Variants in THSD7A observed in about 807,000 individuals in gnomAD.
THSD7A encodes thrombospondin type-1 domain-containing protein 7A.
In THSD7A, 96 loss-of-function variants were observed where a neutral mutation model predicts 231.3. The observed-to-expected ratio is 0.41, with a 90% CI of 0.35 to 0.49. The LOEUF (loss-of-function observed/expected upper bound fraction) is 0.49, where lower values mean the gene tolerates loss of function less well. THSD7A is among the 20% of genes least tolerant of loss of function. The pLI is 0.05. For missense variants in THSD7A, 2,290 were observed against 2,070.2 expected (o/e 1.11, Z -2.06); for synonymous variants, 940 against 743.3 (o/e 1.26, Z -4.30).
rs553030554 is a variant in THSD7A at position 11,677,584 on chromosome 7, C to CAAAAAAAAAAAAAAAAAA, written c.191-40641_191-40624dup. On this transcript the variant is annotated intron_variant, in intron 1 of 27. Coordinates refer to ENST00000423059, the MANE Select transcript of THSD7A (RefSeq NM_015204.3). ...GAAGATTGACCAAGCAAATGGAAAG[C>CAAAAAAAAAAAAAAAAAA]AAAAAAAAAAAAAAAAAAAAAAAAA... Among the ~76,000 whole-genome samples, 2 of 22,274 alleles carry CAAAAAAAAAAAAAAAAAA rather than the reference C, an allele frequency of 9.0e-5. 1 individual carries two copies. The highest frequency in any genetic ancestry group is 5.1e-4 in the African/African-American group (2 of 3,884). 14.6% of individuals were successfully genotyped at this position (22,274 alleles called of 152,430 possible).
In THSD7A at chr7:11,636,499, G is replaced by A. The variant is rs774713101; in HGVS notation, c.653C>T (p.Thr218Met). ...CTGCGGGGGCGCCACCACATGACGC[G>A]TCCGGTGCTGGAGCCCGCTGCCGCA... ...KTCGSGLQHRTRHVVAPPQFG... is the reference protein window; with the variant it reads ...KTCGSGLQHRMRHVVAPPQFG... Residue 218 changes from threonine (T) to methionine (M), a missense_variant, in exon 2 of 28, where the codon ACG (threonine) becomes ATG (methionine). Physicochemically the swap from Thr to Met is moderately conservative, Grantham distance 81. Transcript: ENST00000423059. This position sits in a 1 kb window ranked among gnomAD's most constrained non-coding sequence, Gnocchi z 10.0. 1.2e-5 allele frequency: 20 copies of A among 1,613,642 alleles called. No homozygotes were observed. The highest frequency in any genetic ancestry group is 3.3e-5 in the Admixed American group (2 of 59,996).
intron 2 of THSD7A, among the ~76,000 whole-genome samples, chr7:11,623,508 C>T (rs1284147155): frequency 6.6e-6 from 1 of 152,116 alleles, no homozygotes; most frequent in Non-Finnish European, 1.5e-5. Flanking sequence ...TCAGGGCAGA[C>T]TTCCTGATTC....
chr7:11,501,462 C>A (rs1236414940), intron 6 of THSD7A, among the ~76,000 whole-genome samples: 1 of 152,110 alleles, frequency 6.6e-6, no homozygotes, highest in Non-Finnish European at 1.5e-5. Context: ...AAATAGAAAT[C>A]AACACAATGA....
intron 1 of THSD7A, among the ~76,000 whole-genome samples, chr7:11,763,960 TAAAA>T (rs1367986029): frequency 1.3e-5 from 2 of 152,190 alleles, no homozygotes; most frequent in African/African-American, 4.8e-5. Context: ...GTAAAACTCT[TAAAA>T]GAACTCAAAC....
intron 23 of THSD7A, among the ~76,000 whole-genome samples, chr7:11,390,247 G>A: frequency 6.6e-6 from 1 of 152,098 alleles, no homozygotes; most frequent in Non-Finnish European, 1.5e-5. Context: ...AACAATCAAA[G>A]GCAGATTTAG....
At chr7:11,384,253 A>C (rs1433554693) in intron 23 of THSD7A, 1 of 151,796 alleles carries the variant, frequency 6.6e-6, no homozygotes, top group East Asian at 1.9e-4. Context: ...TTGGATCAAA[A>C]AGTTCTAGAT....
chr7:11,404,254 G>C (rs925872736), intron 22 of THSD7A, among the ~76,000 whole-genome samples: 2 of 152,152 alleles, frequency 1.3e-5, no homozygotes, highest in African/African-American at 4.8e-5. Context: ...CAAGTCCAGG[G>C]CTTGACCTGT....
chr7:11,630,563 A>G (rs1301779390), intron 2 of THSD7A, among the ~76,000 whole-genome samples: 1 of 152,162 alleles, frequency 6.6e-6, no homozygotes, highest in Non-Finnish European at 1.5e-5. Context: ...TAGAAGCTGG[A>G]TAGTTCTACT....
At chr7:11,471,581 C>G (rs1420141985) in intron 8 of THSD7A, among the ~76,000 whole-genome samples, 1 of 151,932 alleles carries the variant, frequency 6.6e-6, no homozygotes, top group African/African-American at 2.4e-5. Flanking sequence ...TTTAAAACCC[C>G]AGTGTTTATT....
At chr7:11,397,069 C>CTT (rs756995728) in intron 23 of THSD7A, among the ~76,000 whole-genome samples, 1 of 152,098 alleles carries the variant, frequency 6.6e-6, no homozygotes, top group African/African-American at 2.4e-5. Context: ...AGGCCTTTGA[C>CTT]AAAATTCAAC....
chr7:11,460,392 A>T (rs1165029157), intron 11 of THSD7A, among the ~76,000 whole-genome samples: 1 of 152,178 alleles, frequency 6.6e-6, no homozygotes, highest in Non-Finnish European at 1.5e-5. Context: ...GCTTCAGTGT[A>T]CCATTTATGT....
chr7:11,762,983 C>T (rs947779091), intron 1 of THSD7A, among the ~76,000 whole-genome samples: 1 of 151,950 alleles, frequency 6.6e-6, no homozygotes, highest in Non-Finnish European at 1.5e-5. Context: ...TAAAAGAGCC[C>T]CAATAGCCAA....
chr7:11,629,576 A>C (rs1301872013), intron 2 of THSD7A, among the ~76,000 whole-genome samples: 2 of 152,164 alleles, frequency 1.3e-5, no homozygotes, highest in Non-Finnish European at 2.9e-5. Flanking sequence ...TCTCTTTGGT[A>C]AGGTTAGGAT....
intron 2 of THSD7A, among the ~76,000 whole-genome samples, chr7:11,600,522 G>A (rs1424414988): frequency 6.6e-6 from 1 of 152,160 alleles, no homozygotes; most frequent in Non-Finnish European, 1.5e-5. Context: ...AGATGAAGAT[G>A]ATGGTATGGA....
intron 1 of THSD7A, among the ~76,000 whole-genome samples, chr7:11,828,511 T>C (rs931051928): frequency 2.0e-5 from 3 of 152,188 alleles, no homozygotes; most frequent in Admixed American, 2.0e-4. Flanking sequence ...ATGTGTATGG[T>C]ATGCCATGTT....
At chr7:11,518,269 A>C (rs1282103667) in intron 6 of THSD7A, among the ~76,000 whole-genome samples, 1 of 152,192 alleles carries the variant, frequency 6.6e-6, no homozygotes, top group Admixed American at 6.5e-5. Context: ...CTACAATAGG[A>C]ATACAAAGAA....
intron 13 of THSD7A, among the ~76,000 whole-genome samples, chr7:11,435,825 G>C (rs1042535661): frequency 6.6e-6 from 1 of 152,014 alleles, no homozygotes; most frequent in Non-Finnish European, 1.5e-5. Flanking sequence ...CAGCCAGCTT[G>C]TGAGAAGTAA....
chr7:11,798,497 A>T (rs539336666), intron 1 of THSD7A, among the ~76,000 whole-genome samples: 119 of 151,950 alleles, frequency 7.8e-4, no homozygotes, highest in Non-Finnish European at 1.3e-3. Flanking sequence ...AAAAGAAAAA[A>T]CAAAAAAAAA....
At chr7:11,727,134 C>T (rs1016001073) in intron 1 of THSD7A, among the ~76,000 whole-genome samples, 1 of 151,952 alleles carries the variant, frequency 6.6e-6, no homozygotes, top group African/African-American at 2.4e-5. Flanking sequence ...TGTAGGCTGT[C>T]ACGGAGAAGA....
Sources: allele counts gnomAD v4.1 joint callset (sites outside exome capture counted in the v4.1 genomes callset), GRCh38; gene constraint gnomAD v4.1.1; non-coding constraint Gnocchi (gnomAD v3.1); transcripts MANE v1.5; gene names NCBI Gene and HGNC (gene_info 2026-07-23, HGNC 2026-07-21).